Variants in CCDC141 observed in about 807,000 individuals in gnomAD.
The protein encoded by CCDC141 is coiled-coil domain containing 141.
In CCDC141, 168 loss-of-function variants were observed where a neutral mutation model predicts 181.0. That is an observed-to-expected ratio of 0.93 (90% CI 0.82 to 1.05). CCDC141 has a LOEUF of 1.05. Among genes scored for constraint, CCDC141 ranks in the 50% least tolerant of loss-of-function variants. The pLI, the probability that CCDC141 is intolerant of heterozygous loss-of-function variation, is 0.00. For missense variants in CCDC141, 1,902 were observed against 1,788.5 expected, an observed-to-expected ratio of 1.06 and a Z score of -1.14; for synonymous variants, 666 against 642.3, an observed-to-expected ratio of 1.04 and a Z score of -0.56.
chr2:178,986,086 G>A (rs1043366302), intron 2 of CCDC141, among the ~76,000 whole-genome samples: 17 of 152,102 alleles, frequency 1.1e-4, no homozygotes, highest in Admixed American at 9.8e-4. Context: ...CTGGCAAACC[G>A]AATCCAGCAG....
downstream of CCDC141, among the ~76,000 whole-genome samples, chr2:178,827,142 T>C (rs549062779): frequency 2.6e-5 from 4 of 152,202 alleles, no homozygotes; most frequent in Non-Finnish European, 5.9e-5. Flanking sequence ...CTGTTTAATC[T>C]ACAGGTATTT....
At chr2:178,853,359 C>T (rs1685246204) in intron 20 of CCDC141, 82 bp downstream of exon 20, 1 of 1,297,182 alleles carries the variant, frequency 7.7e-7, no homozygotes. Context: ...GAGGACTTGC[C>T]ACACTCTTGC....
chr2:178,957,575 C>T (rs940350400), intron 5 of CCDC141, among the ~76,000 whole-genome samples: 2 of 152,202 alleles, frequency 1.3e-5, no homozygotes, highest in Non-Finnish European at 2.9e-5. Context: ...TGGTATTTAT[C>T]TATATAAATT....
chr2:178,938,597 T>C (rs1310691429), intron 6 of CCDC141, among the ~76,000 whole-genome samples: 1 of 152,200 alleles, frequency 6.6e-6, no homozygotes, highest in African/African-American at 2.4e-5. Flanking sequence ...GTTCTGTAGA[T>C]GTCTAATATA....
chr2:178,867,227 T>C (rs1395358233), intron 16 of CCDC141, among the ~76,000 whole-genome samples: 3 of 152,240 alleles, frequency 2.0e-5, no homozygotes, highest in Non-Finnish European at 4.4e-5. Context: ...ATCCATAAAA[T>C]GATAGCTCTG....
chr2:179,015,943 C>T, intron 2 of CCDC141, among the ~76,000 whole-genome samples: 1 of 137,014 alleles, frequency 7.3e-6, no homozygotes, highest in African/African-American at 2.6e-5. Context: ...TCATATATAT[C>T]ATATATATCT....
intron 2 of CCDC141, among the ~76,000 whole-genome samples, chr2:179,043,434 C>T (rs1370765706): frequency 1.3e-5 from 2 of 152,080 alleles, no homozygotes; most frequent in African/African-American, 4.8e-5. Context: ...AACATTGATG[C>T]AAAAATCTTC....
At chr2:178,822,224 A>T in the CCDC141 span, among the ~76,000 whole-genome samples, 1 of 150,048 alleles carries the variant, frequency 6.7e-6, no homozygotes, top group African/African-American at 2.4e-5. Flanking sequence ...ACTTGGACAC[A>T]GGAAGGGGAA....
intron 7 of CCDC141, among the ~76,000 whole-genome samples, chr2:178,917,993 G>A (rs147268893): frequency 2.3e-3 from 352 of 152,206 alleles, no homozygotes; most frequent in Admixed American, 4.4e-3. Flanking sequence ...GGAGGCCTTC[G>A]GTAAAAATTT....
chr2:178,823,787 T>C, the CCDC141 span, among the ~76,000 whole-genome samples: 4 of 152,188 alleles, frequency 2.6e-5, no homozygotes, highest in Admixed American at 6.5e-5. Flanking sequence ...CCAACAGCTA[T>C]CTGGAAATCT....
At chr2:178,865,667 A>G (rs1685812167) in intron 17 of CCDC141, 100 bp downstream of exon 17, 8 of 1,090,162 alleles carry the variant, frequency 7.3e-6, no homozygotes, top group Non-Finnish European at 9.8e-6. Context: ...GTGTGTTTGC[A>G]TGTGTGTGGG....
chr2:178,907,858 G>C lies in CCDC141; in HGVS notation c.1093-2357C>G, dbSNP rs539874001. Among the ~76,000 whole-genome samples the C allele has an allele frequency of 2.0e-5, 3 of 152,152 alleles. No individual in the cohort carries two copies. The South Asian group carries it at 6.2e-4, about 32-fold the overall frequency. ...AAAATTAAAAAAAAAAATTAGCCAG[G>C]TGTGGTAGCACGTGCTTGTAATCCC... On this transcript the variant is annotated intron_variant, in intron 7 of 23. Transcript: ENST00000443758.
At chr2:178,858,095 T>G (rs1685461594) in intron 17 of CCDC141, among the ~76,000 whole-genome samples, 1 of 152,096 alleles carries the variant, frequency 6.6e-6, no homozygotes. Flanking sequence ...TGTTGAACAT[T>G]ACTTTAAGTT....
intron 2 of CCDC141, among the ~76,000 whole-genome samples, chr2:179,017,566 A>G (rs1420793997): frequency 3.9e-5 from 6 of 152,128 alleles, no homozygotes; most frequent in African/African-American, 1.4e-4. Flanking sequence ...AGTGGCAGCT[A>G]GTTTACACAA....
chr2:178,893,827 A>ACG (rs796412565), intron 8 of CCDC141, among the ~76,000 whole-genome samples: 2 of 141,250 alleles, frequency 1.4e-5, no homozygotes, highest in Non-Finnish European at 3.1e-5. Flanking sequence ...ACACACGCAC[A>ACG]CACACACACA....
At chr2:178,900,436 A>C (rs974384594) in intron 8 of CCDC141, among the ~76,000 whole-genome samples, 3 of 152,192 alleles carry the variant, frequency 2.0e-5, no homozygotes, top group Non-Finnish European at 4.4e-5. Flanking sequence ...CATGACATTT[A>C]AACTTAACTT....
chr2:178,871,702 C>G, intron 13 of CCDC141, 150 bp from the exon 14 acceptor site: 1 of 899,898 alleles, frequency 1.1e-6, no homozygotes, highest in Middle Eastern at 3.5e-4. Context: ...TCTAAACCAC[C>G]AAGAAGTAAG....
rs368407993 is a variant in CCDC141 at position 178,953,743 on chromosome 2, AGAGAAG to A, written c.780+7481_780+7486del. 2.5e-4 allele frequency among the ~76,000 whole-genome samples: 38 copies of A among 152,346 alleles called. No individual in the cohort carries two copies. The East Asian group carries it at 6.0e-3, about 24-fold the overall frequency. ...AGCTCAGGTAAGTCAAGGAACTTCC[AGAGAAG>A]GACTTTTAAAATTATGCATTTAAGC... On this transcript the variant is annotated intron_variant, in intron 5 of 23. Transcript: ENST00000443758.
At chr2:178,938,320 CT>C (rs1459459235) in intron 6 of CCDC141, among the ~76,000 whole-genome samples, 1 of 152,066 alleles carries the variant, frequency 6.6e-6, no homozygotes, top group Non-Finnish European at 1.5e-5. Context: ...TTCCAAAGAA[CT>C]TTTTGATTTT....
Sources: allele counts gnomAD v4.1 joint callset (sites outside exome capture counted in the v4.1 genomes callset), GRCh38; gene constraint gnomAD v4.1.1; transcripts MANE v1.5; gene names NCBI Gene and HGNC (gene_info 2026-07-23, HGNC 2026-07-21).